Variants in DLC1 observed in about 807,000 individuals in gnomAD.
DLC1 encodes rho GTPase-activating protein 7.
A neutral mutation model predicts 140.3 loss-of-function variants in DLC1; 54 were observed. The ratio of observed to expected loss-of-function variants is 0.38; its 90% CI spans 0.31 to 0.48. The LOEUF (loss-of-function observed/expected upper bound fraction) is 0.48. DLC1 is among the 20% of genes least tolerant of loss of function. DLC1 has a pLI of 0.96. For synonymous variants in DLC1, 986 were observed against 728.1 expected (o/e 1.35, Z -5.70); for missense variants, 2,536 against 1,907.0 (o/e 1.33, Z -6.14).
chr8:13,355,881 G>C (rs1477297244), intron 4 of DLC1, among the ~76,000 whole-genome samples: 1 of 151,452 alleles, frequency 6.6e-6, no homozygotes, highest in African/African-American at 2.4e-5. Flanking sequence ...TCAGGAGATC[G>C]AGACCATCTT....
At chr8:13,160,743 GT>G (rs1346901411) in intron 5 of DLC1, among the ~76,000 whole-genome samples, 1 of 152,152 alleles carries the variant, frequency 6.6e-6, no homozygotes, top group Non-Finnish European at 1.5e-5. Context: ...ATCCTTCAAT[GT>G]TTTTGTGAAA....
At position 13,417,948 on chromosome 8, in the gene DLC1, A is replaced by G. The variant is rs866414910; in HGVS notation, c.1024-16329T>C. Among the ~76,000 whole-genome samples, 21 of 152,164 alleles carry G rather than the reference A, an allele frequency of 1.4e-4. No homozygotes were observed. The Middle Eastern group carries it at 0.01, about 74-fold the overall frequency. ...GTATCTCATTGTGGTTTTGATTTGC[A>G]TTTCTCTGATGGCCAGTGATGATGA... On this transcript the variant is annotated intron_variant, in intron 2 of 17. Transcript: ENST00000276297.
chr8:13,304,835 A>G, intron 5 of DLC1: 1 of 981,516 alleles, frequency 1.0e-6, no homozygotes, highest in South Asian at 4.7e-5. Context: ...AATTATTCAC[A>G]TTGCTTCATC....
In DLC1 at chr8:13,095,251, A is replaced by G. The variant is rs199753082; in HGVS notation, c.3168-6T>C. The G allele has an allele frequency of 2.5e-6, 4 of 1,614,244 alleles. No homozygotes were observed. In the South Asian group the frequency reaches 4.4e-5, roughly 18 times the overall value. ...TCATGAACTTGGGCACGGCCCTGTT[A>G]AAGAACACAGAGATGGTGGTGTTGG... On this transcript the variant is annotated splice_polypyrimidine_tract_variant and splice_region_variant and intron_variant, in intron 10 of 17. Coordinates refer to ENST00000276297, the MANE Select transcript of DLC1 (RefSeq NM_182643.3).
chr8:13,240,824 G>C (rs1360773618), intron 5 of DLC1, among the ~76,000 whole-genome samples: 3 of 152,152 alleles, frequency 2.0e-5, no homozygotes, highest in Non-Finnish European at 2.9e-5. Flanking sequence ...TCTTTAATTA[G>C]AAATATCTTT....
chr8:13,122,600 C>T (rs766148028), intron 5 of DLC1, among the ~76,000 whole-genome samples: 39 of 152,018 alleles, frequency 2.6e-4, no homozygotes, highest in Admixed American at 6.6e-5. Context: ...GTTAAACATA[C>T]GCAGTTGCCA....
At chr8:13,395,009 T>C (rs929012769) in intron 3 of DLC1, among the ~76,000 whole-genome samples, 1 of 79,314 alleles carries the variant, frequency 1.3e-5, no homozygotes, top group African/African-American at 8.8e-5. Flanking sequence ...ACATATTCTA[T>C]CTATCTATCT....
chr8:13,149,685 C>G (rs1226581763), intron 5 of DLC1, among the ~76,000 whole-genome samples: 2 of 152,172 alleles, frequency 1.3e-5, no homozygotes, highest in Non-Finnish European at 2.9e-5. Context: ...TTCAGAAAGG[C>G]AAAGAGAACC....
chr8:13,185,739 C>G (rs1394589464), intron 5 of DLC1, among the ~76,000 whole-genome samples: 4 of 152,166 alleles, frequency 2.6e-5, no homozygotes, highest in African/African-American at 4.8e-5. Flanking sequence ...TTCTGCCTAA[C>G]ATTGATGGTC....
intron 1 of DLC1, among the ~76,000 whole-genome samples, chr8:13,578,766 C>T (rs1014720409): frequency 1.3e-5 from 2 of 149,124 alleles, no homozygotes; most frequent in South Asian, 2.1e-4. Context: ...TCCATGCCCT[C>T]TCCAGGTGTC....
chr8:13,419,956 C>T (rs1025767179), intron 2 of DLC1, among the ~76,000 whole-genome samples: 2 of 152,162 alleles, frequency 1.3e-5, no homozygotes, highest in Admixed American at 6.5e-5. Context: ...GTGTATGTGT[C>T]GAGGAATTTA....
intron 4 of DLC1, among the ~76,000 whole-genome samples, chr8:13,349,010 T>G (rs575564984): frequency 5.9e-5 from 9 of 152,084 alleles, no homozygotes; most frequent in Admixed American, 5.9e-4. Flanking sequence ...GAGAAGTGAC[T>G]TTATATGTAG....
intron 5 of DLC1, chr8:13,132,988 G>T (rs1336056134): frequency 6.2e-7 from 1 of 1,609,706 alleles, no homozygotes. Flanking sequence ...CATCAAGCAC[G>T]GCAGGCGGCG....
intron 5 of DLC1, among the ~76,000 whole-genome samples, chr8:13,266,601 T>C (rs1830697381): frequency 6.6e-6 from 1 of 151,920 alleles, no homozygotes; most frequent in African/African-American, 2.4e-5. Flanking sequence ...AAAAATAAGC[T>C]GGATATGGTG....
chr8:13,421,711 A>C (rs1434459181), intron 2 of DLC1, among the ~76,000 whole-genome samples: 1 of 152,164 alleles, frequency 6.6e-6, no homozygotes, highest in African/African-American at 2.4e-5. Context: ...CAAAATATTG[A>C]GGTTACTCAT....
At chr8:13,401,757 A>AT (rs1316185859) in intron 2 of DLC1, 138 bp from the exon 3 acceptor site, 6 of 1,088,662 alleles carry the variant, frequency 5.5e-6, no homozygotes, top group Non-Finnish European at 6.4e-6. Flanking sequence ...TCCATTCTGT[A>AT]TCATCAATGG....
intron 4 of DLC1, among the ~76,000 whole-genome samples, chr8:13,393,140 C>G (rs1836842833): frequency 6.6e-6 from 1 of 151,412 alleles, no homozygotes; most frequent in Non-Finnish European, 1.5e-5. Context: ...ATCTGTCCAT[C>G]CATCCATCCA....
At position 13,094,797 on chromosome 8, in the gene DLC1, G is replaced by A. The variant is rs775125308; in HGVS notation, c.3488C>T (p.Thr1163Met). ...TAGAAAGGTTTCCGAGAGTTTGTTC[G>A]TCATTAGTGGCTCAGGAAGATCTCG... ...YFRDLPEPLMTNKLSETFLQI... is the reference protein window; with the variant it reads ...YFRDLPEPLMMNKLSETFLQI... Residue 1163 changes from threonine (T) to methionine (M), a missense_variant, in exon 12 of 18, where the codon ACG becomes ATG. Physicochemically the swap from Thr to Met is moderately conservative, Grantham distance 81. Coordinates refer to ENST00000276297, the MANE Select transcript of DLC1 (RefSeq NM_182643.3). 1.7e-5 allele frequency: 28 copies of A among 1,614,086 alleles called. No homozygotes were observed. Among genetic ancestry groups the A allele is most frequent in the South Asian group, 4.4e-5 (4 of 91,078 alleles).
intron 2 of DLC1, among the ~76,000 whole-genome samples, chr8:13,426,333 A>G (rs2053170424): frequency 6.6e-6 from 1 of 152,204 alleles, no homozygotes; most frequent in African/African-American, 2.4e-5. Flanking sequence ...AAGCCTTAAT[A>G]GTATTCTCTA....
Sources: allele counts gnomAD v4.1 joint callset (sites outside exome capture counted in the v4.1 genomes callset), GRCh38; gene constraint gnomAD v4.1.1; transcripts MANE v1.5; gene names NCBI Gene and HGNC (gene_info 2026-07-23, HGNC 2026-07-21).